The following SPOCK3 variants were observed in gnomAD, a reference collection of about 807,000 sequenced individuals.
SPOCK3 encodes testican-3.
In SPOCK3, 30 loss-of-function variants were observed where a neutral mutation model predicts 56.6. The observed-to-expected ratio is 0.53, with a 90% confidence interval of 0.40 to 0.72. The LOEUF (loss-of-function observed/expected upper bound fraction) is 0.72. Ranked by LOEUF, SPOCK3 falls within the 30% of genes least tolerant of loss-of-function variation. SPOCK3 has a pLI of 0.00. For synonymous variants in SPOCK3, 196 were observed against 183.3 expected (o/e 1.07, Z -0.56); for missense variants, 527 against 530.0 (o/e 0.99, Z 0.06).
chr4:167,183,453 A>G (rs1422888059), intron 2 of SPOCK3, among the ~76,000 whole-genome samples: 1 of 152,192 alleles, frequency 6.6e-6, no homozygotes, highest in Non-Finnish European at 1.5e-5. Context: ...CATGAAAAAA[A>G]ATGACACCTC....
intron 3 of SPOCK3, among the ~76,000 whole-genome samples, chr4:167,011,809 T>C (rs1453101479): frequency 6.6e-6 from 1 of 152,132 alleles, no homozygotes; most frequent in Non-Finnish European, 1.5e-5. Flanking sequence ...ATATTAATTA[T>C]ATTCCATCCT....
At chr4:166,903,649 A>G (rs1283992408) in intron 5 of SPOCK3, among the ~76,000 whole-genome samples, 1 of 150,870 alleles carries the variant, frequency 6.6e-6, no homozygotes, top group African/African-American at 2.5e-5. Flanking sequence ...AGTTATTGAC[A>G]GGTGTTTTGT....
intron 2 of SPOCK3, among the ~76,000 whole-genome samples, chr4:167,142,895 T>C (rs1334718558): frequency 7.9e-5 from 12 of 151,922 alleles, no homozygotes; most frequent in Admixed American, 7.9e-4. Context: ...GCAACAAACG[T>C]GTGGATGCAA....
At chr4:167,198,107 T>C (rs1733143485) in intron 2 of SPOCK3, among the ~76,000 whole-genome samples, 1 of 152,218 alleles carries the variant, frequency 6.6e-6, no homozygotes, top group Non-Finnish European at 1.5e-5. Context: ...AATCAGATTA[T>C]ACATATTTTT....
chr4:167,160,380 T>G lies in SPOCK3; in HGVS notation c.189+73605A>C, dbSNP rs770290522. ...AGGAGAACTACAAACCACTGCTCAA[T>G]GAAATAAAAGAGGATACAAACAAAT... On this transcript the variant is annotated intron_variant, in intron 2 of 10. Coordinates refer to ENST00000357545, the MANE Select transcript of SPOCK3 (RefSeq NM_001040159.2). Among the ~76,000 whole-genome samples the G allele has an allele frequency of 7.8e-3, 1,182 of 151,710 alleles. 10 individuals are homozygous for G. Among genetic ancestry groups the G allele is most frequent in the Non-Finnish European group, 0.01 (694 of 67,896 alleles).
chr4:166,940,102 T>C (rs1402299647), intron 4 of SPOCK3, among the ~76,000 whole-genome samples: 1 of 152,188 alleles, frequency 6.6e-6, no homozygotes, highest in African/African-American at 2.4e-5. Context: ...AGTGTATAAG[T>C]CACGCATGGT....
At chr4:166,843,347 T>C (rs1461683099) in intron 6 of SPOCK3, among the ~76,000 whole-genome samples, 3 of 152,244 alleles carry the variant, frequency 2.0e-5, no homozygotes, top group Admixed American at 6.5e-5. Flanking sequence ...CCTCTCACCA[T>C]GATTAGATTA....
At chr4:166,829,735 G>T (rs796182754) in intron 6 of SPOCK3, among the ~76,000 whole-genome samples, 1 of 151,988 alleles carries the variant, frequency 6.6e-6, no homozygotes, top group African/African-American at 2.4e-5. Flanking sequence ...AGATAATATT[G>T]TCTTAGATAA....
chr4:166,895,345 A>C (rs2127030396), intron 5 of SPOCK3, among the ~76,000 whole-genome samples: 1 of 152,252 alleles, frequency 6.6e-6, no homozygotes, highest in South Asian at 2.1e-4. Context: ...TGAGAATAGA[A>C]GGTCATGAGT....
intron 4 of SPOCK3, among the ~76,000 whole-genome samples, chr4:166,987,970 T>C (rs1441118375): frequency 6.6e-6 from 1 of 152,174 alleles, no homozygotes; most frequent in Non-Finnish European, 1.5e-5. Context: ...CCTCCTATGT[T>C]GTAAAAGAAG....
intron 5 of SPOCK3, among the ~76,000 whole-genome samples, chr4:166,890,412 T>C (rs911274396): frequency 4.6e-5 from 7 of 151,804 alleles, no homozygotes; most frequent in African/African-American, 9.7e-5. Context: ...AAACAGCCAG[T>C]TTTTCCCCAC....
chr4:167,195,662 T>C (rs553440368), intron 2 of SPOCK3, among the ~76,000 whole-genome samples: 1 of 152,282 alleles, frequency 6.6e-6, no homozygotes, highest in Non-Finnish European at 1.5e-5. Context: ...TGTGTATGAC[T>C]CTTTTCAGGT....
chr4:166,913,494 A>C (rs376423270), intron 4 of SPOCK3, among the ~76,000 whole-genome samples: 1 of 152,230 alleles, frequency 6.6e-6, no homozygotes, highest in East Asian at 1.9e-4. Flanking sequence ...AACACATTTA[A>C]TATTTGAAAG....
At chr4:167,223,113 TA>T (rs1161890963) in intron 2 of SPOCK3, among the ~76,000 whole-genome samples, 3 of 107,068 alleles carry the variant, frequency 2.8e-5, no homozygotes, top group African/African-American at 1.4e-4. Context: ...GAATATATAA[TA>T]TATATTTTAT....
intron 4 of SPOCK3, among the ~76,000 whole-genome samples, chr4:166,952,957 G>T (rs554199998): frequency 6.7e-6 from 1 of 149,140 alleles, no homozygotes; most frequent in Non-Finnish European, 1.5e-5. Context: ...AGACTTAAAC[G>T]TTAGACCTAA....
intron 7 of SPOCK3, among the ~76,000 whole-genome samples, chr4:166,763,270 T>C (rs1737500943): frequency 6.6e-6 from 1 of 151,952 alleles, no homozygotes; most frequent in Non-Finnish European, 1.5e-5. Context: ...ATTTCTAAAG[T>C]ACTCAAACAA....
chr4:167,222,688 A>T (rs1273963127), intron 2 of SPOCK3, among the ~76,000 whole-genome samples: 1 of 134,128 alleles, frequency 7.5e-6, no homozygotes, highest in Non-Finnish European at 1.6e-5. Flanking sequence ...TTTATATATG[A>T]ATATATAAAC....
intron 6 of SPOCK3, among the ~76,000 whole-genome samples, chr4:166,823,677 T>C (rs981821931): frequency 2.0e-5 from 3 of 152,090 alleles, no homozygotes; most frequent in Non-Finnish European, 2.9e-5. Flanking sequence ...CCTTTGTGAA[T>C]ATGCATTGCA....
intron 2 of SPOCK3, among the ~76,000 whole-genome samples, chr4:167,176,444 T>A (rs1470094742): frequency 1.3e-5 from 2 of 152,146 alleles, no homozygotes; most frequent in African/African-American, 4.8e-5. Context: ...ATGTACATTC[T>A]ATTAGCATGC....
Sources: gnomAD v4.1 joint callset for allele counts (sites outside exome capture counted in the v4.1 genomes callset) on GRCh38, gnomAD v4.1.1 for gene constraint, MANE v1.5 for transcripts, NCBI Gene and HGNC (gene_info 2026-07-23, HGNC 2026-07-21) for gene names.